Variants in ADGRB3 observed in about 807,000 individuals in gnomAD.
ADGRB3 encodes the protein brain-specific angiogenesis inhibitor 3.
In ADGRB3, 37 loss-of-function variants were observed where a neutral mutation model predicts 193.4. The ratio of observed to expected loss-of-function variants is 0.19; its 90% CI spans 0.15 to 0.25. ADGRB3 has a LOEUF of 0.25. Among genes scored for constraint, ADGRB3 ranks in the 10% least tolerant of loss-of-function variants. The probability of loss-of-function intolerance (pLI) is 1.00; values close to 1 mark genes in which losing one functional copy is unlikely to be tolerated. For synonymous variants in ADGRB3, 690 were observed against 644.2 expected (o/e 1.07, Z -1.08); for missense variants, 1,637 against 1,852.9 (o/e 0.88, Z 2.14).
intron 3 of ADGRB3, among the ~76,000 whole-genome samples, chr6:68,663,728 C>T (rs563588081): frequency 6.6e-6 from 1 of 151,794 alleles, no homozygotes; most frequent in Non-Finnish European, 1.5e-5. Flanking sequence ...TATCAATGAG[C>T]AAGTTGCCTT....
intron 3 of ADGRB3, among the ~76,000 whole-genome samples, chr6:68,726,075 C>A (rs1765668627): frequency 6.6e-6 from 1 of 151,432 alleles, no homozygotes; most frequent in African/African-American, 2.4e-5. Context: ...AGATAGACAC[C>A]AGTTCATGCA....
chr6:68,831,399 T>G (rs2127383971), intron 3 of ADGRB3, among the ~76,000 whole-genome samples: 1 of 151,830 alleles, frequency 6.6e-6, no homozygotes, highest in Non-Finnish European at 1.5e-5. Context: ...GGTGGAAAAG[T>G]CTTTCAGCAG....
At chr6:69,028,950 A>C (rs983437626) in intron 13 of ADGRB3, among the ~76,000 whole-genome samples, 1 of 152,216 alleles carries the variant, frequency 6.6e-6, no homozygotes, top group Non-Finnish European at 1.5e-5. Flanking sequence ...TATTCATGAT[A>C]CTATTTACTC....
chr6:69,045,010 C>T (rs983257645), intron 13 of ADGRB3, among the ~76,000 whole-genome samples: 6 of 152,152 alleles, frequency 3.9e-5, no homozygotes, highest in Admixed American at 1.3e-4. Flanking sequence ...GTCCCTTTAT[C>T]AGCATGAGGC....
At chr6:69,322,389 A>C (rs971207757) in intron 20 of ADGRB3, among the ~76,000 whole-genome samples, 1 of 151,928 alleles carries the variant, frequency 6.6e-6, no homozygotes, top group African/African-American at 2.4e-5. Flanking sequence ...TTGCTGGGTC[A>C]AGTGATATTT....
chr6:68,733,286 C>T (rs944541037), intron 3 of ADGRB3, among the ~76,000 whole-genome samples: 1 of 147,772 alleles, frequency 6.8e-6, no homozygotes, highest in Admixed American at 6.8e-5. Context: ...ATATATATTC[C>T]TATATATATA....
At chr6:69,107,347 T>C (rs948997155) in intron 17 of ADGRB3, among the ~76,000 whole-genome samples, 9 of 152,232 alleles carry the variant, frequency 5.9e-5, no homozygotes, top group African/African-American at 2.2e-4. Context: ...AAACATGCCA[T>C]TTTAATATCA....
chr6:69,256,513 T>C (rs900747984), intron 20 of ADGRB3, among the ~76,000 whole-genome samples: 16 of 152,110 alleles, frequency 1.1e-4, no homozygotes, highest in South Asian at 2.1e-4. Flanking sequence ...TTGTCTGTTA[T>C]TGGTGTATAA....
At chr6:69,181,687 T>C (rs779489) in intron 17 of ADGRB3, among the ~76,000 whole-genome samples, 23,239 of 152,188 alleles carry the variant, frequency 0.15, 1,967 homozygotes, top group Non-Finnish European at 0.18. Context: ...TTCTTAAGCT[T>C]TGCTTCGTCA....
intron 26 of ADGRB3, among the ~76,000 whole-genome samples, chr6:69,347,925 A>G (rs900679538): frequency 6.6e-6 from 1 of 152,322 alleles, no homozygotes; most frequent in African/African-American, 2.4e-5. Flanking sequence ...TCACACAGGC[A>G]AGGACAATAT....
chr6:69,054,368 G>C (rs1213789754), intron 15 of ADGRB3, among the ~76,000 whole-genome samples: 3 of 152,012 alleles, frequency 2.0e-5, no homozygotes, highest in Non-Finnish European at 4.4e-5. Flanking sequence ...AATAATATTG[G>C]AAATAATAGA....
chr6:68,772,893 AAATATATATATATATATATATATATAT>A (rs1766660434), intron 3 of ADGRB3, among the ~76,000 whole-genome samples: 5 of 22,698 alleles, frequency 2.2e-4, no homozygotes, highest in Non-Finnish European at 7.8e-5. Context: ...AAAAAAAAAA[AAATATATATATATATATATATATATAT>A]ATATATATAT....
intron 13 of ADGRB3, among the ~76,000 whole-genome samples, chr6:69,042,296 A>G (rs1324059266): frequency 3.3e-5 from 5 of 152,148 alleles, no homozygotes; most frequent in African/African-American, 4.8e-5. Flanking sequence ...CTAATACACT[A>G]AGATATCGTG....
At position 68,844,637 on chromosome 6, in the gene ADGRB3, A is replaced by G. The variant is rs543483880; in HGVS notation, c.758-85922A>G. On this transcript the variant is annotated intron_variant, in intron 3 of 31. Coordinates refer to ENST00000370598, the MANE Select transcript of ADGRB3 (RefSeq NM_001704.3). ...ACTGCTAGGTGTATACCCAAAAGTA[A>G]TCAGGATATGGAGGAGATATTTGCA... is the stretch of plus-strand genomic sequence containing the variant. Among the ~76,000 whole-genome samples, 20 of 152,294 alleles carry G rather than the reference A, an allele frequency of 1.3e-4. No homozygotes were observed. The East Asian group carries it at 3.1e-3, about 24-fold the overall frequency.
intron 17 of ADGRB3, among the ~76,000 whole-genome samples, chr6:69,082,101 G>A (rs1216293933): frequency 1.3e-5 from 2 of 151,782 alleles, no homozygotes; most frequent in Admixed American, 1.3e-4. Context: ...TGCTTCTTTG[G>A]TACTACAACT....
At chr6:68,851,520 TCATTA>T (rs1292573633) in intron 3 of ADGRB3, among the ~76,000 whole-genome samples, 1 of 151,918 alleles carries the variant, frequency 6.6e-6, no homozygotes, top group Non-Finnish European at 1.5e-5. Context: ...TTTTTAATGA[TCATTA>T]CATTATTGAG....
chr6:69,001,664 CAA>C (rs886284812), intron 11 of ADGRB3, among the ~76,000 whole-genome samples: 4 of 152,156 alleles, frequency 2.6e-5, no homozygotes, highest in Admixed American at 2.0e-4. Flanking sequence ...ATTTGGGGGA[CAA>C]AGAAAGAAAA....
At chr6:69,165,858 CTTTAT>C (rs1340745649) in intron 17 of ADGRB3, among the ~76,000 whole-genome samples, 4 of 151,860 alleles carry the variant, frequency 2.6e-5, no homozygotes, top group Non-Finnish European at 4.4e-5. Context: ...TTGTTTTTAT[CTTTAT>C]TTTATAGATG....
chr6:68,871,878 C>A (rs1481426292), intron 3 of ADGRB3, among the ~76,000 whole-genome samples: 3 of 151,996 alleles, frequency 2.0e-5, no homozygotes, highest in African/African-American at 7.2e-5. Flanking sequence ...CGAGAAAGAA[C>A]ATTTTTGTGG....
Sources: gnomAD v4.1 joint callset for allele counts (sites outside exome capture counted in the v4.1 genomes callset) on GRCh38, gnomAD v4.1.1 for gene constraint, MANE v1.5 for transcripts, NCBI Gene and HGNC (gene_info 2026-07-23, HGNC 2026-07-21) for gene names.